TPD52L2: variants seen among roughly 807,000 people sequenced by gnomAD.
The protein encoded by TPD52L2 is tumor protein D54.
TPD52L2 carries 19 observed loss-of-function variants against 24.7 expected under a neutral mutation model. The ratio of observed to expected loss-of-function variants is 0.77; its 90% CI spans 0.54 to 1.13. The LOEUF (loss-of-function observed/expected upper bound fraction) is 1.13, where lower values mean the gene tolerates loss of function less well. TPD52L2 is among the 50% of genes most tolerant of loss of function. TPD52L2 has a pLI of 0.00. For synonymous variants in TPD52L2, 104 were observed against 100.2 expected, an observed-to-expected ratio of 1.04 and a Z score of -0.23; for missense variants, 236 against 250.4, an observed-to-expected ratio of 0.94 and a Z score of 0.39.
chr20:63,865,317 C>A lies in TPD52L2; in HGVS notation c.-49C>A. ...GCGGCGAGCTTCTCCCGGCGCCGCCCGCTCGGCTCCCATAGCGCCCGCGAC... is the reference window on the plus strand; with the variant it reads ...GCGGCGAGCTTCTCCCGGCGCCGCCAGCTCGGCTCCCATAGCGCCCGCGAC... On this transcript the variant is annotated 5_prime_UTR_variant, in exon 1 of 7. Transcript: ENST00000346249. The A allele has an allele frequency of 1.3e-6, 2 of 1,501,924 alleles. No individual in the cohort carries two copies. Among genetic ancestry groups the A allele is most frequent in the Non-Finnish European group, 1.8e-6 (2 of 1,131,446 alleles). 93.0% of individuals were successfully genotyped at this position (1,501,924 alleles called of 1,614,324 possible). A position where few individuals can be genotyped will look rare whatever the true frequency, so the allele number is the denominator to read the frequency against.
chr20:63,875,438 C>G (rs535331953), intron 3 of TPD52L2, among the ~76,000 whole-genome samples: 32 of 152,348 alleles, frequency 2.1e-4, no homozygotes, highest in Admixed American at 1.2e-3. Context: ...TTTCATAAAT[C>G]TCACATATGA....
At chr20:63,872,282 CTA>C (rs1422023570) in intron 2 of TPD52L2, among the ~76,000 whole-genome samples, 2 of 152,154 alleles carry the variant, frequency 1.3e-5, no homozygotes, top group African/African-American at 4.8e-5. Context: ...ATATGGAATT[CTA>C]TGAGTGCAGA....
At chr20:63,866,928 C>T (rs998361011) in intron 1 of TPD52L2, among the ~76,000 whole-genome samples, 1 of 151,660 alleles carries the variant, frequency 6.6e-6, no homozygotes, top group African/African-American at 2.4e-5. Flanking sequence ...TACAGGCGCA[C>T]CATGCCAGGT....
rs894701006 is a variant in TPD52L2 at position 63,877,925 on chromosome 20, G to A, written c.374+2050G>A. On this transcript the variant is annotated intron_variant, in intron 4 of 6. Transcript: ENST00000346249. This position sits in a 1 kb window ranked among gnomAD's most constrained non-coding sequence, Gnocchi z 4.1. ...GGCCGAGGGCGATGGTTTCTGGTGG[G>A]AAGGCCCAGGCCGAGGGCGATGGTT... Among the ~76,000 whole-genome samples, 2 of 152,384 alleles carry A rather than the reference G, an allele frequency of 1.3e-5. No homozygotes were observed. The highest frequency in any genetic ancestry group is 1.3e-4 in the Admixed American group (2 of 15,310).
rs777333412 is a variant in TPD52L2, at chr20:63,887,659, TG to T, written c.477-1527del. 1.8e-4 allele frequency: 285 copies of T among 1,577,844 alleles called. 1 individual carries two copies. Among genetic ancestry groups the T allele is most frequent in the Non-Finnish European group, 2.4e-4 (280 of 1,152,430 alleles). Reference sequence around the variant, plus strand: ...AGAGCCGGGTGTCTCTGGTGGGGGTTGGGGCAGCTCCCGCCGGTTACACCTT... The same window carrying T: ...AGAGCCGGGTGTCTCTGGTGGGGGTTGGGCAGCTCCCGCCGGTTACACCTT... On this transcript the variant is annotated intron_variant, in intron 5 of 6. Coordinates refer to ENST00000346249, the MANE Select transcript of TPD52L2 (RefSeq NM_003288.4).
chr20:63,884,411 C>G (rs1011550951), intron 5 of TPD52L2, among the ~76,000 whole-genome samples: 2 of 152,224 alleles, frequency 1.3e-5, no homozygotes, highest in East Asian at 1.9e-4. Flanking sequence ...TTTGCCCACT[C>G]TTAGTGTCCA....
intron 1 of TPD52L2, among the ~76,000 whole-genome samples, chr20:63,865,831 A>C (rs1414520319): frequency 6.6e-6 from 1 of 151,846 alleles, no homozygotes; most frequent in Non-Finnish European, 1.5e-5. Context: ...CGAGCAGAGA[A>C]GGGGTCTTCG....
intron 2 of TPD52L2, 32 bp from the exon 3 acceptor site, chr20:63,873,636 A>T (rs1490170746): frequency 6.2e-7 from 1 of 1,608,082 alleles, no homozygotes; most frequent in African/African-American, 1.3e-5. Flanking sequence ...TGCAGTAGTG[A>T]TGGCTCATCA....
rs767810479 is a variant in TPD52L2, at chr20:63,889,249, C to T, written c.525+11C>T. On this transcript the variant is annotated intron_variant, in intron 6 of 6. Transcript: ENST00000346249. ...GTTGGGACCATAAAGGTAATTGTACCTGGACTGTTTGATGGTCTTGGCAAG... is the reference window on the plus strand; with the variant it reads ...GTTGGGACCATAAAGGTAATTGTACTTGGACTGTTTGATGGTCTTGGCAAG... 1.9e-6 allele frequency: 3 copies of T among 1,611,128 alleles called. No individual in the cohort carries two copies. In the South Asian group the frequency reaches 3.3e-5, roughly 18 times the overall value.
In TPD52L2 at chr20:63,890,998, A is replaced by G. The variant is rs376850446; in HGVS notation, c.*1053A>G. The G allele has an allele frequency of 4.6e-5, 7 of 152,634 alleles. No homozygotes were observed. Among genetic ancestry groups the G allele is most frequent in the African/African-American group, 1.4e-4 (6 of 41,566 alleles). 9.5% of individuals were successfully genotyped at this position (152,634 alleles called of 1,614,324 possible). A position where few individuals can be genotyped will look rare whatever the true frequency, so the allele number is the denominator to read the frequency against. ...TGACTCCAACCCTCCTGCTTGCTGT[A>G]CTTGGGATGAAACGACCCCACAGGT... On this transcript the variant is annotated 3_prime_UTR_variant, in exon 7 of 7. Transcript: ENST00000346249.
chr20:63,874,231 TG>T lies in TPD52L2; in HGVS notation c.314+416del, dbSNP rs1568944662. ...CGCGCCCGGCTGATTTTTTTTTTTG[TG>T]TGTGTGTGTGTGTGTGTGTGTGTGT... On this transcript the variant is annotated intron_variant, in intron 3 of 6. Coordinates refer to ENST00000346249, the MANE Select transcript of TPD52L2 (RefSeq NM_003288.4). Among the ~76,000 whole-genome samples, 896 of 128,506 alleles carry T rather than the reference TG, an allele frequency of 7.0e-3. 9 individuals are homozygous for T. Among genetic ancestry groups the T allele is most frequent in the African/African-American group, 0.024 (841 of 35,068 alleles). The allele number at this position is 128,506 out of a possible 152,430, so 84.3% of individuals were successfully genotyped here. A position where few individuals can be genotyped will look rare whatever the true frequency, so the allele number is the denominator to read the frequency against.
intron 1 of TPD52L2, among the ~76,000 whole-genome samples, chr20:63,867,561 T>A (rs2052299018): frequency 6.8e-6 from 1 of 147,810 alleles, no homozygotes; most frequent in Non-Finnish European, 1.5e-5. Flanking sequence ...GTAAGACTCG[T>A]CTAAAAAAAA....
chr20:63,886,853 C>G (rs2053143506), intron 5 of TPD52L2: 1 of 150,856 alleles, frequency 6.6e-6, no homozygotes, highest in Admixed American at 6.6e-5. Flanking sequence ...CCATGTTGGC[C>G]AGCATGGTCT....
At chr20:63,889,693 T>C (rs896294352) in intron 6 of TPD52L2, among the ~76,000 whole-genome samples, 157 bp from the exon 7 acceptor site, 1 of 152,256 alleles carries the variant, frequency 6.6e-6, no homozygotes, top group African/African-American at 2.4e-5. Flanking sequence ...TGGAGACCTG[T>C]TGGGGCTGGT....
intron 5 of TPD52L2, among the ~76,000 whole-genome samples, chr20:63,886,229 C>T (rs146836850): frequency 2.6e-4 from 40 of 152,300 alleles, no homozygotes; most frequent in African/African-American, 7.0e-4. Flanking sequence ...GTGGGATCGA[C>T]GCAGAGGCCC....
chr20:63,886,453 C>CGG (rs1555875298), intron 5 of TPD52L2, among the ~76,000 whole-genome samples: 1 of 149,346 alleles, frequency 6.7e-6, no homozygotes, highest in African/African-American at 2.6e-5. Flanking sequence ...CTCCGCCTCC[C>CGG]GGGTTCACGC....
rs1468395404 is a variant in TPD52L2 at position 63,889,942 on chromosome 20, C to T, written c.618C>T (p.Phe206=). The T allele has an allele frequency of 6.2e-7, 1 of 1,614,148 alleles. No homozygotes were observed. The change falls in exon 7 of 7, where the codon TTC becomes TTT. Residue 206 remains phenylalanine, a synonymous_variant. Coordinates refer to ENST00000346249, the MANE Select transcript of TPD52L2 (RefSeq NM_003288.4). ...AGCCCCTGTCGGATCCCGCACCTTTCTAAGCCTGTGGTTGCTTCACCCGCT... is the reference window on the plus strand; with the variant it reads ...AGCCCCTGTCGGATCCCGCACCTTTTTAAGCCTGTGGTTGCTTCACCCGCT... ...GDKPLSDPAP[F]
chr20:63,885,954 G>A, intron 5 of TPD52L2: 1 of 1,584,440 alleles, frequency 6.3e-7, no homozygotes, highest in Non-Finnish European at 8.7e-7. Flanking sequence ...AGGGCTGTGA[G>A]TGGGTGCTGG....
intron 1 of TPD52L2, 121 bp from the exon 2 acceptor site, chr20:63,869,174 AG>A (rs1207991840): frequency 1.9e-6 from 2 of 1,080,224 alleles, no homozygotes; most frequent in Non-Finnish European, 2.8e-6. Context: ...TTCAGAGAAG[AG>A]GTGTTAGTCT....
Sources: allele counts gnomAD v4.1 joint callset (sites outside exome capture counted in the v4.1 genomes callset), GRCh38; gene constraint gnomAD v4.1.1; non-coding constraint Gnocchi (gnomAD v3.1); transcripts MANE v1.5; gene names NCBI Gene and HGNC (gene_info 2026-07-23, HGNC 2026-07-21).